RBL2: variants seen among roughly 807,000 people sequenced by gnomAD.
The protein encoded by RBL2 is retinoblastoma-like protein 2.
A neutral mutation model predicts 126.0 loss-of-function variants in RBL2; 56 were observed. The observed-to-expected ratio is 0.44, with a 90% CI of 0.36 to 0.56. RBL2 has a LOEUF of 0.56. Ranked by LOEUF, RBL2 falls within the 20% of genes least tolerant of loss-of-function variation. The pLI is 0.00. For synonymous variants in RBL2, 454 were observed against 478.5 expected (o/e 0.95, Z 0.67); for missense variants, 1,229 against 1,398.2 (o/e 0.88, Z 1.93).
chr16:53,473,290 T>G (rs1187921975), intron 17 of RBL2, among the ~76,000 whole-genome samples: 1 of 152,182 alleles, frequency 6.6e-6, no homozygotes, highest in Non-Finnish European at 1.5e-5. Flanking sequence ...TATTGCCATC[T>G]TAACAATTTT....
At chr16:53,435,456 C>T in intron 1 of RBL2, 3 of 431,762 alleles carry the variant, frequency 6.9e-6, no homozygotes, top group Non-Finnish European at 9.3e-6. Context: ...TCACCCCGGG[C>T]ATTGCACAGG....
intron 9 of RBL2, among the ~76,000 whole-genome samples, chr16:53,461,360 G>A (rs1317613935): frequency 2.0e-5 from 3 of 152,176 alleles, no homozygotes. Flanking sequence ...GGGCGTGGTG[G>A]CAGGTGCCTG....
chr16:53,444,804 C>T (rs1330906526), intron 3 of RBL2, among the ~76,000 whole-genome samples: 7 of 151,974 alleles, frequency 4.6e-5, no homozygotes, highest in South Asian at 4.1e-4. Context: ...GCTGCGATCG[C>T]GCCACTGCAC....
chr16:53,468,527 G>C (rs936019335), intron 14 of RBL2, among the ~76,000 whole-genome samples: 4 of 152,156 alleles, frequency 2.6e-5, no homozygotes, highest in Non-Finnish European at 5.9e-5. Flanking sequence ...AGATTAGGAA[G>C]ACTTGACTTT....
rs967528203 is a variant in RBL2, at chr16:53,490,771, C to A, written c.*471C>A. On this transcript the variant is annotated 3_prime_UTR_variant, in exon 22 of 22. Transcript: ENST00000262133. Reference sequence around the variant, plus strand: ...TAGGAGTGTGTGATTTTTTGCATTCCTGACAAAGGAGAGCACACCCAGGTT... The same window carrying A: ...TAGGAGTGTGTGATTTTTTGCATTCATGACAAAGGAGAGCACACCCAGGTT... 6.6e-6 allele frequency: 1 copy of A among 152,612 alleles called. No individual in the cohort carries two copies. Among genetic ancestry groups the A allele is most frequent in the Non-Finnish European group, 1.5e-5 (1 of 68,080 alleles). The allele number at this position is 152,612 out of a possible 1,614,324, so 9.5% of individuals were successfully genotyped here.
chr16:53,475,040 A>C (rs1361784975), intron 17 of RBL2, among the ~76,000 whole-genome samples: 1 of 152,206 alleles, frequency 6.6e-6, no homozygotes, highest in Non-Finnish European at 1.5e-5. Context: ...TATTTGTTAT[A>C]GGTCTATTCA....
At chr16:53,465,975 T>A (rs1418284231) in intron 13 of RBL2, 1 of 155,344 alleles carries the variant, frequency 6.4e-6, no homozygotes, top group Non-Finnish European at 1.4e-5. Context: ...TTTCTGGCTC[T>A]TTGCCTACTA....
intron 2 of RBL2, among the ~76,000 whole-genome samples, chr16:53,441,845 A>G (rs2058019179): frequency 6.6e-6 from 1 of 151,990 alleles, no homozygotes; most frequent in Non-Finnish European, 1.5e-5. Context: ...TTTTTGAGAC[A>G]GAGTCTCGCA....
intron 13 of RBL2, 42 bp from the exon 14 acceptor site, chr16:53,467,016 C>G (rs758449698): frequency 6.2e-6 from 9 of 1,443,100 alleles, no homozygotes. Flanking sequence ...AATTAAAGTG[C>G]TTTTTTGGAT....
In RBL2 at chr16:53,459,679, T is replaced by C. The variant is rs2058201239; in HGVS notation, c.1346+62T>C. 2.8e-6 allele frequency: 4 copies of C among 1,416,972 alleles called. No individual in the cohort carries two copies. In the East Asian group the frequency reaches 9.5e-5, roughly 34 times the overall value. 87.8% of individuals were successfully genotyped at this position (1,416,972 alleles called of 1,614,324 possible). ...TATTGACCATTTTCCAATTTCCTAT[T>C]CTTTCATTATTAATGCCTTAATTCA... On this transcript the variant is annotated intron_variant, in intron 9 of 21. Coordinates refer to ENST00000262133, the MANE Select transcript of RBL2 (RefSeq NM_005611.4).
At chr16:53,474,969 G>A (rs1187916368) in intron 17 of RBL2, among the ~76,000 whole-genome samples, 7 of 152,156 alleles carry the variant, frequency 4.6e-5, no homozygotes, top group East Asian at 1.9e-4. Flanking sequence ...ATTCAGCAGC[G>A]AAGCTGTTGA....
intron 3 of RBL2, 125 bp downstream of exon 3, chr16:53,442,983 C>A: frequency 1.3e-6 from 1 of 778,172 alleles, no homozygotes; most frequent in Non-Finnish European, 1.9e-6. Context: ...TTTCCTCAGT[C>A]GTTTTCTTTT....
Position 53,435,632 on chromosome 16 carries a change from T to G in RBL2, c.240+836T>G, listed in dbSNP as rs2057951369. The G allele has an allele frequency of 4.7e-6, 6 of 1,284,554 alleles. No individual in the cohort carries two copies. The South Asian group carries it at 7.5e-5, about 16-fold the overall frequency. The allele number at this position is 1,284,554 out of a possible 1,614,324, so 79.6% of individuals were successfully genotyped here. A position where few individuals can be genotyped will look rare whatever the true frequency, so the allele number is the denominator to read the frequency against. ...GAAGTACGGATTGTTTATCAGCTGTTTGACTGTGTGTGTGGCATTTAAACC... is the reference window on the plus strand; with the variant it reads ...GAAGTACGGATTGTTTATCAGCTGTGTGACTGTGTGTGTGGCATTTAAACC... On this transcript the variant is annotated intron_variant, in intron 1 of 21. Transcript: ENST00000262133.
At position 53,453,438 on chromosome 16, in the gene RBL2, T is replaced by C; in HGVS notation, c.767-14T>C. Reference sequence around the variant, plus strand: ...TGTGCTGATATCTCTGTTTTGTGATTCTATACACCATAGGCTTATCTGAAG... The same window carrying C: ...TGTGCTGATATCTCTGTTTTGTGATCCTATACACCATAGGCTTATCTGAAG... On this transcript the variant is annotated splice_polypyrimidine_tract_variant and intron_variant, in intron 5 of 21. Transcript: ENST00000262133. 1 of 1,599,866 alleles carries C rather than the reference T, an allele frequency of 6.3e-7. No individual in the cohort carries two copies. The highest frequency in any genetic ancestry group is 8.5e-7 in the Non-Finnish European group (1 of 1,170,942).
intron 21 of RBL2, chr16:53,488,988 G>A (rs984398050): frequency 1.3e-5 from 2 of 151,844 alleles, no homozygotes; most frequent in Non-Finnish European, 2.9e-5. Context: ...GCCAAAGCAG[G>A]AGGATTGCTT....
At chr16:53,444,552 T>TAATAAATAAATAAATAAATA (rs34915161) in intron 3 of RBL2, among the ~76,000 whole-genome samples, 1 of 143,232 alleles carries the variant, frequency 7.0e-6, no homozygotes, top group African/African-American at 2.6e-5. Flanking sequence ...GACTCCATTT[T>TAATAAATAAATAAATAAATA]AATAAATAAA....
intron 3 of RBL2, among the ~76,000 whole-genome samples, chr16:53,443,910 T>G (rs894860259): frequency 2.0e-5 from 3 of 152,174 alleles, no homozygotes; most frequent in African/African-American, 7.2e-5. Flanking sequence ...TACAGAAGCA[T>G]CTGGTCTAGC....
intron 21 of RBL2, among the ~76,000 whole-genome samples, chr16:53,485,988 G>A (rs982899602): frequency 2.0e-5 from 3 of 151,824 alleles, no homozygotes; most frequent in African/African-American, 7.3e-5. Flanking sequence ...TATAATGAAA[G>A]ATAAAGAACA....
At chr16:53,435,779 A>G in intron 1 of RBL2, 1 of 1,256,722 alleles carries the variant, frequency 8.0e-7, no homozygotes, top group South Asian at 1.3e-5. Context: ...GGCTATGTGT[A>G]CTGATGAGTG....
Sources: allele counts gnomAD v4.1 joint callset (sites outside exome capture counted in the v4.1 genomes callset), GRCh38; gene constraint gnomAD v4.1.1; transcripts MANE v1.5; gene names NCBI Gene and HGNC (gene_info 2026-07-23, HGNC 2026-07-21).